Variants in PRKN observed in about 807,000 individuals in gnomAD.
PRKN encodes parkin RBR E3 ubiquitin protein ligase, also known as E3 ubiquitin-protein ligase parkin.
PRKN carries 56 observed loss-of-function variants against 59.5 expected under a neutral mutation model. The observed-to-expected ratio is 0.94, with a 90% CI of 0.76 to 1.18. PRKN has a LOEUF of 1.18. PRKN is among the 50% of genes most tolerant of loss of function. The pLI, the probability that PRKN is intolerant of heterozygous loss-of-function variation, is 0.00. For synonymous variants in PRKN, 250 were observed against 222.1 expected, an observed-to-expected ratio of 1.13 and a Z score of -1.12; for missense variants, 657 against 596.4, an observed-to-expected ratio of 1.10 and a Z score of -1.06.
chr6:161,898,318 A>G (rs1020468441), intron 6 of PRKN, among the ~76,000 whole-genome samples: 4 of 152,224 alleles, frequency 2.6e-5, no homozygotes, highest in Non-Finnish European at 5.9e-5. Context: ...CATATAAGGT[A>G]GAAGGGAAAT....
chr6:161,571,999 C>T (rs1780906973), intron 7 of PRKN, among the ~76,000 whole-genome samples: 1 of 152,206 alleles, frequency 6.6e-6, no homozygotes, highest in Admixed American at 6.5e-5. Flanking sequence ...CCTTCAGACA[C>T]AGACTGAATT....
intron 4 of PRKN, among the ~76,000 whole-genome samples, chr6:162,130,444 C>T (rs1011022873): frequency 8.5e-5 from 13 of 152,096 alleles, no homozygotes; most frequent in African/African-American, 3.1e-4. Flanking sequence ...GTTTACAGAG[C>T]AGGTCCAGGT....
At chr6:162,108,507 C>T (rs1780286411) in intron 4 of PRKN, among the ~76,000 whole-genome samples, 1 of 152,124 alleles carries the variant, frequency 6.6e-6, no homozygotes, top group Non-Finnish European at 1.5e-5. Flanking sequence ...ATGAAAACAA[C>T]AACAAAAGCT....
rs1781225182 is a variant in PRKN at position 161,578,673 on chromosome 6, C to T, written c.872-9257G>A. Among the ~76,000 whole-genome samples, 1 of 152,192 alleles carries T rather than the reference C, an allele frequency of 6.6e-6. No homozygotes were observed. Among genetic ancestry groups the T allele is most frequent in the Non-Finnish European group, 1.5e-5 (1 of 68,038 alleles). ...TTTCCTGTGACACCTCCATGACTGT[C>T]CACACGATGGTGTCACTTCCTGCAC... On this transcript the variant is annotated intron_variant, in intron 7 of 11. Coordinates refer to ENST00000366898, the MANE Select transcript of PRKN (RefSeq NM_004562.3). The surrounding 1 kb of genome is among the most constrained non-coding windows in gnomAD (Gnocchi z 4.2).
At chr6:162,249,363 T>G (rs1469272465) in intron 3 of PRKN, among the ~76,000 whole-genome samples, 1 of 152,170 alleles carries the variant, frequency 6.6e-6, no homozygotes, top group Non-Finnish European at 1.5e-5. Context: ...CAACAAAGGA[T>G]ACACATGGAG....
At chr6:162,108,709 C>A (rs1285286561) in intron 4 of PRKN, among the ~76,000 whole-genome samples, 1 of 152,148 alleles carries the variant, frequency 6.6e-6, no homozygotes, top group Non-Finnish European at 1.5e-5. Flanking sequence ...GAACGGAGGA[C>A]CTGTTTGTGA....
intron 2 of PRKN, among the ~76,000 whole-genome samples, chr6:162,305,626 A>G (rs1782188118): frequency 6.6e-6 from 1 of 152,152 alleles, no homozygotes; most frequent in Non-Finnish European, 1.5e-5. Flanking sequence ...TTCTTATAAG[A>G]AAAATGTTTT....
At chr6:162,027,715 G>A (rs1783488547) in intron 5 of PRKN, among the ~76,000 whole-genome samples, 2 of 151,886 alleles carry the variant, frequency 1.3e-5, no homozygotes, top group South Asian at 4.2e-4. Context: ...TTTCTCATAA[G>A]ACAATAAATA....
At chr6:161,535,938 G>A (rs139018297) in intron 9 of PRKN, among the ~76,000 whole-genome samples, 1 of 133,438 alleles carries the variant, frequency 7.5e-6, no homozygotes, top group African/African-American at 2.9e-5. Flanking sequence ...AATCCATTTA[G>A]CCAGAGAGGA....
intron 2 of PRKN, among the ~76,000 whole-genome samples, chr6:162,298,024 C>T (rs929261732): frequency 6.6e-6 from 1 of 152,172 alleles, no homozygotes; most frequent in African/African-American, 2.4e-5. Flanking sequence ...ACTACACATC[C>T]ATCCATCTTC....
chr6:162,456,735 C>A (rs12215735), intron 1 of PRKN, among the ~76,000 whole-genome samples: 38,625 of 151,936 alleles, frequency 0.25, 5,044 homozygotes, highest in African/African-American at 0.32. Context: ...AATACATAAC[C>A]TTGTTTTATG....
At chr6:162,637,211 C>T (rs567536855) in intron 1 of PRKN, among the ~76,000 whole-genome samples, 1 of 151,938 alleles carries the variant, frequency 6.6e-6, no homozygotes, top group African/African-American at 2.4e-5. Flanking sequence ...GGGCCGAGAT[C>T]ACGCCGCTGC....
chr6:162,035,164 GATAT>G (rs57612771), intron 5 of PRKN, among the ~76,000 whole-genome samples: 2 of 150,708 alleles, frequency 1.3e-5, no homozygotes, highest in Admixed American at 6.6e-5. Flanking sequence ...GCCAGAGAGA[GATAT>G]ATATATATAT....
intron 7 of PRKN, among the ~76,000 whole-genome samples, chr6:161,763,691 A>C (rs536307558): frequency 1.3e-5 from 2 of 152,070 alleles, no homozygotes; most frequent in African/African-American, 2.4e-5. Flanking sequence ...TTTCCCCCCC[A>C]CAACGTGCAA....
chr6:162,070,815 G>C (rs1778544002), intron 4 of PRKN, among the ~76,000 whole-genome samples: 1 of 152,132 alleles, frequency 6.6e-6, no homozygotes, highest in Admixed American at 6.6e-5. Flanking sequence ...TGGAGCTCGG[G>C]CTGTAATGCT....
chr6:162,116,556 C>A (rs952628374), intron 4 of PRKN, among the ~76,000 whole-genome samples: 1 of 152,176 alleles, frequency 6.6e-6, no homozygotes, highest in Admixed American at 6.5e-5. Context: ...TCTTAAGGGA[C>A]GAGAGCACGT....
rs776132035 is a variant in PRKN, at chr6:161,462,982, T to C, written c.1084-76105A>G. On this transcript the variant is annotated intron_variant, in intron 9 of 11. Coordinates refer to ENST00000366898, the MANE Select transcript of PRKN (RefSeq NM_004562.3). This position sits in a 1 kb window ranked among gnomAD's most constrained non-coding sequence, Gnocchi z 4.5. ...GGGCATGAAGATGTCAGAAGTTCTA[T>C]GTATAGTAGACTGCAATGTACTGGA... Among the ~76,000 whole-genome samples, 4 of 152,140 alleles carry C rather than the reference T, an allele frequency of 2.6e-5. No individual in the cohort carries two copies.
chr6:161,567,594 C>T (rs536149787), intron 8 of PRKN, among the ~76,000 whole-genome samples: 7 of 151,996 alleles, frequency 4.6e-5, no homozygotes, highest in South Asian at 2.1e-4. Context: ...CGTGTGTTTG[C>T]GTTTTAGGAA....
intron 7 of PRKN, among the ~76,000 whole-genome samples, chr6:161,784,417 A>C (rs1790332005): frequency 6.6e-6 from 1 of 152,256 alleles, no homozygotes; most frequent in Admixed American, 6.5e-5. Context: ...CAGTATCCAG[A>C]ATATATAAAG....
Sources: allele counts gnomAD v4.1 joint callset (sites outside exome capture counted in the v4.1 genomes callset), GRCh38; gene constraint gnomAD v4.1.1; non-coding constraint Gnocchi (gnomAD v3.1); transcripts MANE v1.5; gene names NCBI Gene and HGNC (gene_info 2026-07-23, HGNC 2026-07-21).